ATP2B2: variants seen among roughly 807,000 people sequenced by gnomAD.
ATP2B2 encodes ATPase plasma membrane Ca2+ transporting 2.
ATP2B2 carries 15 observed loss-of-function variants against 120.0 expected under a neutral mutation model. The ratio of observed to expected loss-of-function variants is 0.12; its 90% confidence interval spans 0.08 to 0.19. The LOEUF (loss-of-function observed/expected upper bound fraction) is 0.19. ATP2B2 is among the 10% of genes least tolerant of loss of function. The pLI is 1.00. For synonymous variants in ATP2B2, 694 were observed against 700.3 expected (o/e 0.99, Z 0.14); for missense variants, 1,045 against 1,719.8 (o/e 0.61, Z 6.94).
intron 22 of ATP2B2, chr3:10,331,807 C>T (rs772185750): frequency 4.3e-5 from 22 of 515,394 alleles, no homozygotes; most frequent in African/African-American, 1.7e-4. Context: ...GTTTTGGTTT[C>T]GTCAGCACAA....
chr3:10,352,305 C>T (rs1269471015), intron 14 of ATP2B2, among the ~76,000 whole-genome samples: 1 of 152,234 alleles, frequency 6.6e-6, no homozygotes. Flanking sequence ...TCTTTCCTTA[C>T]CCTGGCCACC....
At position 10,328,637 on chromosome 3, in the gene ATP2B2, G is replaced by A; in HGVS notation, c.*177C>T. The A allele has an allele frequency of 1.5e-6, 1 of 671,612 alleles. No individual in the cohort carries two copies. Among genetic ancestry groups the A allele is most frequent in the South Asian group, 2.0e-5 (1 of 49,700 alleles). The allele number at this position is 671,612 out of a possible 1,614,324, so 41.6% of individuals were successfully genotyped here. On this transcript the variant is annotated 3_prime_UTR_variant, in exon 23 of 23. Transcript: ENST00000360273. ...CTTGAAGTGAAAAAGAGTTCAAACA[G>A]CATCGCAGCCAGAGAAAGGGTCTGT...
chr3:10,372,642 T>C (rs559396989), intron 11 of ATP2B2, among the ~76,000 whole-genome samples: 2 of 152,282 alleles, frequency 1.3e-5, no homozygotes, highest in East Asian at 3.9e-4. Context: ...AACCACACAT[T>C]TCTTTAAAAA....
intron 22 of ATP2B2, among the ~76,000 whole-genome samples, chr3:10,331,712 A>ATTT (rs34633808): frequency 7.0e-6 from 1 of 143,532 alleles, no homozygotes; most frequent in East Asian, 2.0e-4. Flanking sequence ...AAAGGTAGGA[A>ATTT]TTTTTTTTTT....
At chr3:10,484,804 A>T (rs1310824300) in intron 1 of ATP2B2, among the ~76,000 whole-genome samples, 1 of 152,244 alleles carries the variant, frequency 6.6e-6, no homozygotes, top group African/African-American at 2.4e-5. Context: ...CCAGGGAAGA[A>T]TCCCCTGAAG....
rs536806425 is a variant in ATP2B2 at position 10,672,050 on chromosome 3, A to C, written c.-460+35865T>G. The stretch of plus-strand genomic sequence containing the variant: ...TGCTAGAGAGCCTCGGGGCAAAAGC[A>C]ATATGATTTTATGCAGTGTGACAGC... On this transcript the variant is annotated intron_variant, in intron 1 of 21. Coordinates refer to the ATP2B2 transcript ENST00000646379. Among the ~76,000 whole-genome samples the C allele has an allele frequency of 2.5e-4, 38 of 152,362 alleles. No homozygotes were observed. In the East Asian group the frequency reaches 7.1e-3, roughly 29 times the overall value.
chr3:10,507,105 G>A (rs56212132), upstream of ATP2B2, among the ~76,000 whole-genome samples: 12,818 of 152,248 alleles, frequency 0.084, 680 homozygotes, highest in South Asian at 0.25. Flanking sequence ...AGGATGCTGC[G>A]AAGCTACGAT....
chr3:10,669,902 A>G (rs1479997114), intron 1 of ATP2B2, among the ~76,000 whole-genome samples: 2 of 152,216 alleles, frequency 1.3e-5, no homozygotes, highest in East Asian at 1.9e-4. Context: ...ACAAGGTAAA[A>G]GCCAAAGTTA....
At chr3:10,599,580 CAG>C (rs2068850627) in intron 2 of ATP2B2, among the ~76,000 whole-genome samples, 1 of 152,152 alleles carries the variant, frequency 6.6e-6, no homozygotes, top group African/African-American at 2.4e-5. Flanking sequence ...CCGAATCTGA[CAG>C]GGGCTCAGGG....
At chr3:10,591,565 T>A (rs1402151215) in intron 2 of ATP2B2, among the ~76,000 whole-genome samples, 1 of 152,190 alleles carries the variant, frequency 6.6e-6, no homozygotes. Flanking sequence ...CTTCCAAGCA[T>A]GGCATGTGCT....
At chr3:10,470,039 C>T (rs190445390) in intron 1 of ATP2B2, among the ~76,000 whole-genome samples, 56 of 152,124 alleles carry the variant, frequency 3.7e-4, no homozygotes, top group African/African-American at 1.1e-3. Context: ...CAGATCTCAG[C>T]GCTGGGCAGG....
At chr3:10,576,118 G>A (rs954190985) in intron 2 of ATP2B2, among the ~76,000 whole-genome samples, 10 of 152,230 alleles carry the variant, frequency 6.6e-5, no homozygotes, top group African/African-American at 2.4e-4. Context: ...GCAGAGCAAA[G>A]TTACAAAGCC....
At chr3:10,585,480 C>A (rs564281704) in intron 2 of ATP2B2, among the ~76,000 whole-genome samples, 1 of 98,306 alleles carries the variant, frequency 1.0e-5, no homozygotes, top group African/African-American at 4.2e-5. Context: ...GGCGACAGAG[C>A]GAGACTCCGT....
upstream of ATP2B2, among the ~76,000 whole-genome samples, chr3:10,509,121 C>G (rs1392681269): frequency 1.3e-5 from 2 of 152,064 alleles, no homozygotes; most frequent in African/African-American, 2.4e-5. Context: ...GCTGGAGGCT[C>G]TCTGCACAAG....
At chr3:10,487,734 T>C (rs537767697) in intron 1 of ATP2B2, among the ~76,000 whole-genome samples, 41 of 152,342 alleles carry the variant, frequency 2.7e-4, no homozygotes, top group African/African-American at 9.6e-4. Flanking sequence ...TTAATGTTCA[T>C]GGGAATCACG....
At chr3:10,345,269 TG>T in intron 18 of ATP2B2, 114 bp downstream of exon 18, 1 of 1,212,502 alleles carries the variant, frequency 8.2e-7, no homozygotes, top group South Asian at 1.3e-5. Flanking sequence ...CATCGATGGG[TG>T]CCTCATCCCC....
Position 10,326,258 on chromosome 3 carries a change from C to CGT in ATP2B2, c.*2554_*2555dup, listed in dbSNP as rs113724179. The CGT allele has an allele frequency of 0.029, 4,390 of 153,256 alleles. 198 individuals carry two copies. The highest frequency in any genetic ancestry group is 0.097 in the African/African-American group (3,994 of 41,324). The allele number at this position is 153,256 out of a possible 1,614,324, so 9.5% of individuals were successfully genotyped here. A position where few individuals can be genotyped will look rare whatever the true frequency, so the allele number is the denominator to read the frequency against. On this transcript the variant is annotated 3_prime_UTR_variant, in exon 23 of 23. Transcript: ENST00000360273. ...GTGAGTTTTGACAAACCAACCATTT[C>CGT]GTGTGTGTGTGTGTGTATGTGTGCA...
intron 1 of ATP2B2, among the ~76,000 whole-genome samples, chr3:10,477,650 T>C (rs1264240956): frequency 6.6e-6 from 1 of 152,242 alleles, no homozygotes; most frequent in African/African-American, 2.4e-5. Context: ...ATAACAGTAT[T>C]TGTCCCTTTA....
rs533310629 is a variant in ATP2B2, at chr3:10,449,674, G to A, written c.-131C>T. 2.0e-5 allele frequency: 22 copies of A among 1,103,444 alleles called. No homozygotes were observed. The highest frequency in any genetic ancestry group is 4.6e-5 in the African/African-American group (3 of 64,576). The allele number at this position is 1,103,444 out of a possible 1,614,324, so 68.4% of individuals were successfully genotyped here. On this transcript the variant is annotated 5_prime_UTR_variant, in exon 2 of 23. Transcript: ENST00000360273. The stretch of plus-strand genomic sequence containing the variant: ...GCTGTGGCACCAGGCGGCCGACTCC[G>A]GGTCCCGGGGGGTGGGGGTGGCCGA...
Sources: gnomAD v4.1 joint callset for allele counts (sites outside exome capture counted in the v4.1 genomes callset) on GRCh38, gnomAD v4.1.1 for gene constraint, MANE v1.5 for transcripts, NCBI Gene and HGNC (gene_info 2026-07-23, HGNC 2026-07-21) for gene names.